The following TNS1 variants were observed in gnomAD, a reference collection of about 807,000 sequenced individuals.
TNS1 encodes the protein tensin-1.
TNS1 carries 62 observed loss-of-function variants against 168.6 expected under a neutral mutation model. The observed-to-expected ratio is 0.37, with a 90% CI of 0.30 to 0.45. TNS1 has a LOEUF of 0.45. Ranked by LOEUF, TNS1 falls within the 20% of genes least tolerant of loss-of-function variation. The probability of loss-of-function intolerance (pLI) is 1.00; values close to 1 mark genes in which losing one functional copy is unlikely to be tolerated. For synonymous variants in TNS1, 934 were observed against 933.2 expected (o/e 1.00, Z -0.02); for missense variants, 2,240 against 2,339.4 (o/e 0.96, Z 0.88).
intron 19 of TNS1, among the ~76,000 whole-genome samples, chr2:217,843,529 A>C (rs1441585872): frequency 6.6e-6 from 1 of 151,724 alleles, no homozygotes; most frequent in Admixed American, 6.6e-5. Context: ...CTCCTTCTCC[A>C]CTCATCCTCA....
intron 1 of TNS1, among the ~76,000 whole-genome samples, chr2:218,026,241 A>C (rs1958848662): frequency 1.3e-5 from 2 of 152,194 alleles, no homozygotes; most frequent in East Asian, 3.8e-4. Flanking sequence ...GCCTTTAAGT[A>C]GCCAAGCCCA....
chr2:217,855,955 C>T (rs1219507591), intron 18 of TNS1, among the ~76,000 whole-genome samples: 1 of 152,142 alleles, frequency 6.6e-6, no homozygotes, highest in Non-Finnish European at 1.5e-5. Context: ...CCATGGCATC[C>T]CCTACAGACC....
chr2:217,897,831 C>A lies in TNS1; in HGVS notation c.510G>T (p.Gln170His), dbSNP rs747040632. The change falls in exon 8 of 33, where the codon CAG becomes CAT. Residue 170 changes from glutamine to histidine, a missense_variant. Transcript: ENST00000682258. ...TGCCTCCATGTTTGGACTTGAGCAT[C>A]TGCGCCACCTCACGGAGGTTGCTCC... ...NFRSNLREVAQMLKSKHGGNY... is the reference protein window; with the variant it reads ...NFRSNLREVAHMLKSKHGGNY... 2 of 1,610,730 alleles carry A rather than the reference C, an allele frequency of 1.2e-6. No homozygotes were observed. The highest frequency in any genetic ancestry group is 4.5e-5 in the East Asian group (2 of 44,788).
At chr2:217,842,909 C>T (rs1024377020) in intron 19 of TNS1, among the ~76,000 whole-genome samples, 2 of 152,140 alleles carry the variant, frequency 1.3e-5, no homozygotes, top group Non-Finnish European at 2.9e-5. Context: ...CCAGCCACCC[C>T]CTACCTCTCA....
chr2:217,951,038 C>A (rs1225079328), intron 3 of TNS1, among the ~76,000 whole-genome samples: 1 of 152,132 alleles, frequency 6.6e-6, no homozygotes, highest in Admixed American at 6.5e-5. Flanking sequence ...TCGGATCCAC[C>A]CCTATAGAAA....
intron 8 of TNS1, among the ~76,000 whole-genome samples, chr2:217,897,056 T>TG (rs1952385821): frequency 6.6e-6 from 1 of 152,192 alleles, no homozygotes; most frequent in Non-Finnish European, 1.5e-5. Context: ...ACAGTGGCCC[T>TG]GGGAAACTAA....
At chr2:217,976,690 A>G (rs1957905168) in intron 3 of TNS1, among the ~76,000 whole-genome samples, 1 of 152,224 alleles carries the variant, frequency 6.6e-6, no homozygotes, top group African/African-American at 2.4e-5. Flanking sequence ...GCCTGTTCCC[A>G]TGCACAAGGC....
chr2:217,819,519 T>G (rs139578912), intron 23 of TNS1, among the ~76,000 whole-genome samples: 3 of 152,286 alleles, frequency 2.0e-5, no homozygotes, highest in African/African-American at 7.2e-5. Context: ...CACTACCAAT[T>G]CTGACTCTGA....
chr2:217,930,819 C>T (rs183634328), intron 3 of TNS1, among the ~76,000 whole-genome samples: 1 of 152,280 alleles, frequency 6.6e-6, no homozygotes, highest in African/African-American at 2.4e-5. Flanking sequence ...TCGCCTTCTC[C>T]AGCAACCCAA....
intron 18 of TNS1, among the ~76,000 whole-genome samples, chr2:217,862,969 G>A (rs983610936): frequency 6.6e-6 from 1 of 152,226 alleles, no homozygotes; most frequent in African/African-American, 2.4e-5. Flanking sequence ...ACCTACAGCT[G>A]GAGCCAGGTG....
chr2:217,955,160 G>A (rs1482197546), intron 3 of TNS1, among the ~76,000 whole-genome samples: 1 of 152,220 alleles, frequency 6.6e-6, no homozygotes, highest in Admixed American at 6.5e-5. Context: ...CAAGATAAGT[G>A]GCTCCAGGCA....
intron 1 of TNS1, chr2:218,010,027 C>A (rs1490529256): frequency 1.1e-5 from 1 of 89,622 alleles, no homozygotes; most frequent in African/African-American, 1.1e-4. Context: ...CAGGAGACTG[C>A]GGGAGGGAAG....
rs1423862053 is a variant in TNS1 at position 217,880,580 on chromosome 2, C to T, written c.1429+318G>A. 1.3e-5 allele frequency among the ~76,000 whole-genome samples: 2 copies of T among 152,202 alleles called. No individual in the cohort carries two copies. The highest frequency in any genetic ancestry group is 4.8e-5 in the African/African-American group (2 of 41,454). ...AAGGAGCCTTCCCAGATCACTCCAGCTCTCAAAATCCCTCCCTGCCAATCC... is the reference window on the plus strand; with the variant it reads ...AAGGAGCCTTCCCAGATCACTCCAGTTCTCAAAATCCCTCCCTGCCAATCC... On this transcript the variant is annotated intron_variant, in intron 18 of 32. Transcript: ENST00000682258. This position sits in a 1 kb window ranked among gnomAD's most constrained non-coding sequence, Gnocchi z 4.2.
chr2:217,961,260 C>G (rs3838557), intron 3 of TNS1, among the ~76,000 whole-genome samples: 38,514 of 137,172 alleles, frequency 0.28, 6,717 homozygotes, highest in African/African-American at 0.52. Flanking sequence ...CACACACACA[C>G]AGAGAGAGAG....
At chr2:217,940,889 A>T (rs898135130) in intron 3 of TNS1, among the ~76,000 whole-genome samples, 2 of 152,142 alleles carry the variant, frequency 1.3e-5, no homozygotes, top group Non-Finnish European at 2.9e-5. Flanking sequence ...CTTTGGCCCC[A>T]GCCCTCTCTG....
intron 18 of TNS1, chr2:217,859,087 C>T (rs1036948267): frequency 5.2e-5 from 9 of 172,896 alleles, no homozygotes; most frequent in Non-Finnish European, 9.7e-5. Context: ...CCCAGTGTAG[C>T]CCAGCCCAGC....
At chr2:217,901,878 T>G (rs1279253786) in intron 6 of TNS1, 4 of 152,288 alleles carry the variant, frequency 2.6e-5, no homozygotes, top group Non-Finnish European at 5.9e-5. Context: ...AGCCCCAAGT[T>G]AGAGCAGCTC....
chr2:217,912,425 G>A (rs1954526699), intron 4 of TNS1, among the ~76,000 whole-genome samples: 1 of 147,486 alleles, frequency 6.8e-6, no homozygotes, highest in Non-Finnish European at 1.5e-5. Flanking sequence ...TTGCCCCCTG[G>A]GAGGCCTGGA....
At chr2:217,805,055 T>G (rs910212355) in intron 32 of TNS1, among the ~76,000 whole-genome samples, 1 of 150,114 alleles carries the variant, frequency 6.7e-6, no homozygotes, top group Admixed American at 6.6e-5. Flanking sequence ...CACCACAAGG[T>G]CAGGGAGACA....
Sources: allele counts gnomAD v4.1 joint callset (sites outside exome capture counted in the v4.1 genomes callset), GRCh38; gene constraint gnomAD v4.1.1; non-coding constraint Gnocchi (gnomAD v3.1); transcripts MANE v1.5; gene names NCBI Gene and HGNC (gene_info 2026-07-23, HGNC 2026-07-21).